The following GPHN variants were observed in gnomAD, a reference collection of about 807,000 sequenced individuals.
GPHN encodes gephyrin.
Under a neutral mutation model 95.5 loss-of-function variants are expected in GPHN, and 17 were observed. The observed-to-expected ratio is 0.18, with a 90% CI of 0.12 to 0.27. The LOEUF is 0.27. Among genes scored for constraint, GPHN ranks in the 10% least tolerant of loss-of-function variants. The pLI is 1.00. For synonymous variants in GPHN, 320 were observed against 322.5 expected, an observed-to-expected ratio of 0.99 and a Z score of 0.08; for missense variants, 660 against 978.1, an observed-to-expected ratio of 0.67 and a Z score of 4.34.
intron 5 of GPHN, among the ~76,000 whole-genome samples, chr14:66,898,951 A>G (rs2064997682): frequency 6.6e-6 from 1 of 151,874 alleles, no homozygotes; most frequent in Non-Finnish European, 1.5e-5. Flanking sequence ...TTTACACTTA[A>G]GTATTTAATT....
At chr14:67,009,973 G>A (rs2072874436) in intron 9 of GPHN, among the ~76,000 whole-genome samples, 1 of 151,786 alleles carries the variant, frequency 6.6e-6, no homozygotes, top group African/African-American at 2.4e-5. Context: ...TGGCCAGCCT[G>A]GTCTCGAACT....
chr14:67,433,743 A>G, the GPHN span, among the ~76,000 whole-genome samples: 3 of 152,250 alleles, frequency 2.0e-5, no homozygotes, highest in Non-Finnish European at 4.4e-5. Context: ...TAGAAGAGAC[A>G]TACTCTACAG....
intron 1 of GPHN, among the ~76,000 whole-genome samples, chr14:66,534,211 T>C (rs2059049041): frequency 6.6e-6 from 1 of 152,176 alleles, no homozygotes. Context: ...TACAAACTCT[T>C]ACAATTAACA....
chr14:67,063,825 T>A (rs1290563723), intron 11 of GPHN, among the ~76,000 whole-genome samples: 1 of 152,196 alleles, frequency 6.6e-6, no homozygotes, highest in Non-Finnish European at 1.5e-5. Context: ...CTTAAGGAGA[T>A]TTTGGGCTGA....
chr14:66,960,169 T>G (rs897072800), intron 8 of GPHN, among the ~76,000 whole-genome samples: 1 of 151,988 alleles, frequency 6.6e-6, no homozygotes, highest in Non-Finnish European at 1.5e-5. Flanking sequence ...TATAGTTTCC[T>G]TTAGCTCTTT....
chr14:66,619,440 T>C (rs1273135142), intron 1 of GPHN, among the ~76,000 whole-genome samples: 3 of 152,044 alleles, frequency 2.0e-5, no homozygotes, highest in African/African-American at 7.2e-5. Context: ...TTATTATAAT[T>C]TTAATTTGCA....
At chr14:67,495,782 C>G in the GPHN span, among the ~76,000 whole-genome samples, 1 of 151,924 alleles carries the variant, frequency 6.6e-6, no homozygotes, top group East Asian at 1.9e-4. Context: ...CCATGCCCAG[C>G]CAGCCTTCTG....
intron 1 of GPHN, among the ~76,000 whole-genome samples, chr14:66,598,480 G>A (rs2062077686): frequency 6.6e-6 from 1 of 152,106 alleles, no homozygotes; most frequent in South Asian, 2.1e-4. Flanking sequence ...TACTTCAGAT[G>A]TGTATTCTTA....
chr14:67,225,259 A>T, the GPHN span: 1 of 1,502,626 alleles, frequency 6.7e-7, no homozygotes, highest in Non-Finnish European at 8.8e-7. Flanking sequence ...TGTAAGACAA[A>T]CTAAAGGTAA....
chr14:67,296,195 G>A, the GPHN span, among the ~76,000 whole-genome samples: 28 of 152,176 alleles, frequency 1.8e-4, no homozygotes, highest in African/African-American at 6.3e-4. Flanking sequence ...ACCAGGAAGC[G>A]TAAGAAAGAG....
the GPHN span, among the ~76,000 whole-genome samples, chr14:67,406,095 C>T: frequency 6.6e-6 from 1 of 151,972 alleles, no homozygotes; most frequent in Admixed American, 6.6e-5. Flanking sequence ...CCCGTCTCTA[C>T]TAAAAATTCA....
intron 5 of GPHN, among the ~76,000 whole-genome samples, chr14:66,904,313 TTGTCCCCGCCCA>T (rs1160399314): frequency 1.3e-5 from 2 of 152,048 alleles, no homozygotes; most frequent in Non-Finnish European, 2.9e-5. Flanking sequence ...ATTCCCTTAT[TTGTCCCCGCCCA>T]TGTCCTGCTG....
At chr14:67,295,138 C>T in the GPHN span, among the ~76,000 whole-genome samples, 23,362 of 143,914 alleles carry the variant, frequency 0.16, 3,406 homozygotes, top group East Asian at 0.42. Context: ...TGTGTAAATA[C>T]ATGACAAAAA....
the GPHN span, among the ~76,000 whole-genome samples, chr14:67,626,484 T>C: frequency 6.6e-6 from 1 of 152,300 alleles, no homozygotes; most frequent in South Asian, 2.1e-4. Flanking sequence ...CATTCCTATG[T>C]ATATACCTAA....
At chr14:67,579,891 C>G in the GPHN span, 1 of 1,583,698 alleles carries the variant, frequency 6.3e-7, no homozygotes, top group Non-Finnish European at 8.6e-7. Context: ...CAGCCTCCCA[C>G]TAAGCCAGCT....
intron 11 of GPHN, among the ~76,000 whole-genome samples, chr14:67,075,896 A>G (rs1311776159): frequency 6.6e-6 from 1 of 152,212 alleles, no homozygotes; most frequent in African/African-American, 2.4e-5. Flanking sequence ...AATGCTGTAG[A>G]CATTGTTGAA....
chr14:66,567,702 A>G (rs1192284267), intron 1 of GPHN, among the ~76,000 whole-genome samples: 1 of 152,018 alleles, frequency 6.6e-6, no homozygotes, highest in Admixed American at 6.6e-5. Context: ...TATTGGTATT[A>G]CTTTTGTTGC....
At chr14:67,600,478 T>A in the GPHN span, among the ~76,000 whole-genome samples, 1 of 152,156 alleles carries the variant, frequency 6.6e-6, no homozygotes, top group African/African-American at 2.4e-5. Flanking sequence ...GACTCAGGCC[T>A]GTAGTCCAGC....
At position 66,794,620 on chromosome 14, in the gene GPHN, A is replaced by G. The variant is rs566084617; in HGVS notation, c.201+18099A>G. ...AACTATTATTTAGTTATGAATTGAT[A>G]CAGTTAATGTAGAAAAAACAGAAGT... On this transcript the variant is annotated intron_variant, in intron 3 of 22. Coordinates refer to ENST00000478722, the MANE Select transcript of GPHN (RefSeq NM_020806.5). 3.9e-5 allele frequency among the ~76,000 whole-genome samples: 6 copies of G among 152,342 alleles called. No homozygotes were observed. The East Asian group carries it at 1.2e-3, about 29-fold the overall frequency.
Sources: gnomAD v4.1 joint callset for allele counts (sites outside exome capture counted in the v4.1 genomes callset) on GRCh38, gnomAD v4.1.1 for gene constraint, MANE v1.5 for transcripts, NCBI Gene and HGNC (gene_info 2026-07-23, HGNC 2026-07-21) for gene names.